Variants in SLC8A1 observed in about 807,000 individuals in gnomAD.
SLC8A1 encodes the protein solute carrier family 8 member A1.
In SLC8A1, 18 loss-of-function variants were observed where a neutral mutation model predicts 68.3. That is an observed-to-expected ratio of 0.26 (90% CI 0.18 to 0.39). The LOEUF is 0.39. Ranked by LOEUF, SLC8A1 falls within the 10% of genes least tolerant of loss-of-function variation. The pLI is 1.00. For missense variants in SLC8A1, 985 were observed against 1,156.7 expected (o/e 0.85, Z 2.15); for synonymous variants, 475 against 415.5 (o/e 1.14, Z -1.74).
At chr2:40,177,133 A>T (rs775156815) in intron 3 of SLC8A1, among the ~76,000 whole-genome samples, 2 of 152,152 alleles carry the variant, frequency 1.3e-5, no homozygotes, top group African/African-American at 2.4e-5. Context: ...CTTTGGTTTC[A>T]TAGATATGGT....
At position 40,506,533 on chromosome 2, in the gene SLC8A1, G is replaced by C. The variant is rs925601881; in HGVS notation, c.-25+5816C>G. Among the ~76,000 whole-genome samples the C allele has an allele frequency of 2.0e-5, 3 of 151,808 alleles. No individual in the cohort carries two copies. In the East Asian group the frequency reaches 5.8e-4, roughly 29 times the overall value. ...TTTTAGCATATTGGGTTCTTATTTT[G>C]TCTTCCAAATCTTTACATTCCTCAG... On this transcript the variant is annotated intron_variant, in intron 1 of 7. Transcript: ENST00000402441.
intron 2 of SLC8A1, chr2:40,195,948 TAAAGGGAGGCGGGGAG>T (rs2052911683): frequency 6.6e-6 from 1 of 150,770 alleles, no homozygotes; most frequent in South Asian, 2.1e-4. Flanking sequence ...TGTAAAAGAG[TAAAGGGAGGCGGGGAG>T]AAAGGGAGAC....
exon 8 of SLC8A1, chr2:40,113,447 AG>A (rs1289656926): frequency 3.9e-5 from 6 of 152,740 alleles, no homozygotes; most frequent in Non-Finnish European, 7.3e-5. Flanking sequence ...TTCTTTTTAA[AG>A]GGTTAAAAAT....
At chr2:40,186,811 A>G (rs1032847568) in intron 2 of SLC8A1, among the ~76,000 whole-genome samples, 5 of 152,230 alleles carry the variant, frequency 3.3e-5, no homozygotes, top group Non-Finnish European at 7.3e-5. Flanking sequence ...AATAGAACTT[A>G]CTTCACAGTG....
At chr2:40,138,476 G>A (rs1191216259) in intron 7 of SLC8A1, among the ~76,000 whole-genome samples, 1 of 152,184 alleles carries the variant, frequency 6.6e-6, no homozygotes, top group Non-Finnish European at 1.5e-5. Context: ...GGTTAAGAAC[G>A]TGGGTATTGT....
chr2:40,104,352 T>C (rs922178461), exon 8 of SLC8A1: 4 of 152,342 alleles, frequency 2.6e-5, no homozygotes, highest in African/African-American at 9.6e-5. Flanking sequence ...TAATAAGATT[T>C]TCCCAACTTG....
At chr2:40,116,500 C>G (rs2035435959) in intron 7 of SLC8A1, among the ~76,000 whole-genome samples, 1 of 149,570 alleles carries the variant, frequency 6.7e-6, no homozygotes. Flanking sequence ...GTGTGATGTT[C>G]CCCTTCCTGT....
At chr2:40,426,715 T>G (rs2149772800) in intron 2 of SLC8A1, among the ~76,000 whole-genome samples, 1 of 152,178 alleles carries the variant, frequency 6.6e-6, no homozygotes, top group East Asian at 1.9e-4. Context: ...TAAGTTGTTT[T>G]AAGGGCTACC....
chr2:40,181,578 A>T (rs2049573664), intron 2 of SLC8A1, among the ~76,000 whole-genome samples: 1 of 152,188 alleles, frequency 6.6e-6, no homozygotes, highest in South Asian at 2.1e-4. Flanking sequence ...CCACTAAATT[A>T]TATATTGATT....
chr2:40,316,131 T>C (rs2074416331), intron 2 of SLC8A1, among the ~76,000 whole-genome samples: 1 of 152,056 alleles, frequency 6.6e-6, no homozygotes, highest in African/African-American at 2.4e-5. Flanking sequence ...ATAGTATACA[T>C]GGTGAAAAAG....
intron 1 of SLC8A1, among the ~76,000 whole-genome samples, chr2:40,500,437 C>G (rs535236931): frequency 2.6e-4 from 39 of 152,094 alleles, no homozygotes; most frequent in Non-Finnish European, 5.1e-4. Context: ...AATAATTCCT[C>G]CAGAATAAAT....
At chr2:40,246,143 T>G (rs1277386504) in intron 2 of SLC8A1, among the ~76,000 whole-genome samples, 6 of 152,198 alleles carry the variant, frequency 3.9e-5, no homozygotes, top group African/African-American at 1.4e-4. Context: ...ACTGTGCACA[T>G]AGAAGATGAA....
At chr2:40,461,626 T>C (rs1703345992) in intron 1 of SLC8A1, among the ~76,000 whole-genome samples, 1 of 152,184 alleles carries the variant, frequency 6.6e-6, no homozygotes, top group Non-Finnish European at 1.5e-5. Context: ...CTTACTTCCC[T>C]TAACTACCAC....
intron 2 of SLC8A1, among the ~76,000 whole-genome samples, chr2:40,282,641 A>C (rs1205698392): frequency 6.6e-6 from 1 of 152,166 alleles, no homozygotes. Context: ...TCCGTTTAGT[A>C]CCGAAATAAA....
intron 2 of SLC8A1, among the ~76,000 whole-genome samples, chr2:40,348,947 TAATA>T (rs1351580619): frequency 3.9e-5 from 6 of 152,176 alleles, no homozygotes; most frequent in Non-Finnish European, 8.8e-5. Flanking sequence ...ATCTTCCCAC[TAATA>T]AATGATTTCT....
intron 2 of SLC8A1, among the ~76,000 whole-genome samples, chr2:40,244,099 C>T (rs976255363): frequency 3.9e-5 from 6 of 152,116 alleles, no homozygotes; most frequent in African/African-American, 1.4e-4. Flanking sequence ...TGTGAAAACA[C>T]AGCTGCAAGC....
chr2:40,450,713 C>T (rs781026867), intron 1 of SLC8A1, among the ~76,000 whole-genome samples: 1 of 152,192 alleles, frequency 6.6e-6, no homozygotes, highest in Non-Finnish European at 1.5e-5. Flanking sequence ...GTTATATTCA[C>T]AACCACTAGT....
chr2:40,136,450 A>G (rs968808736), intron 7 of SLC8A1, among the ~76,000 whole-genome samples: 4 of 152,176 alleles, frequency 2.6e-5, no homozygotes, highest in African/African-American at 9.7e-5. Flanking sequence ...TTGAGGCAGG[A>G]GGACTAACGG....
At chr2:40,217,380 T>C (rs556937603) in intron 2 of SLC8A1, among the ~76,000 whole-genome samples, 28 of 152,364 alleles carry the variant, frequency 1.8e-4, no homozygotes, top group African/African-American at 6.5e-4. Flanking sequence ...CATGCTGTTT[T>C]GATTACTGTA....
Sources: gnomAD v4.1 joint callset for allele counts (sites outside exome capture counted in the v4.1 genomes callset) on GRCh38, gnomAD v4.1.1 for gene constraint, MANE v1.5 for transcripts, NCBI Gene and HGNC (gene_info 2026-07-23, HGNC 2026-07-21) for gene names.